Variants in GMPR observed in about 807,000 individuals in gnomAD.
GMPR encodes the protein guanosine monophosphate reductase.
Under a neutral mutation model 38.4 loss-of-function variants are expected in GMPR, and 31 were observed. That is an observed-to-expected ratio of 0.81 (90% CI 0.61 to 1.09). The LOEUF is 1.09. Among genes scored for constraint, GMPR ranks in the 50% least tolerant of loss-of-function variants. The pLI is 0.00. For missense variants in GMPR, 468 were observed against 453.7 expected (o/e 1.03, Z -0.29); for synonymous variants, 162 against 173.3 (o/e 0.93, Z 0.51).
At position 16,263,474 on chromosome 6, in the gene GMPR, T is replaced by C. The variant is rs1759125815; in HGVS notation, c.465+8739T>C. ...GGAATGGAGGGTGGAAGGTTGCCCA[T>C]AGTGAAGGAAGCAAGCCTAGAGAAA... On this transcript the variant is annotated intron_variant, in intron 4 of 8. Coordinates refer to ENST00000259727, the MANE Select transcript of GMPR (RefSeq NM_006877.4). The C allele has an allele frequency of 2.6e-5, 4 of 151,398 alleles. No homozygotes were observed. In the South Asian group the frequency reaches 6.3e-4, roughly 24 times the overall value. The allele number at this position is 151,398 out of a possible 1,614,324, so 9.4% of individuals were successfully genotyped here. A position where few individuals can be genotyped will look rare whatever the true frequency, so the allele number is the denominator to read the frequency against.
chr6:16,254,839 T>A, intron 4 of GMPR, 104 bp downstream of exon 4: 3 of 759,958 alleles, frequency 3.9e-6, no homozygotes, highest in Non-Finnish European at 6.6e-6. Flanking sequence ...GAGCTTTTGG[T>A]GCCTCTTTAG....
At chr6:16,248,216 CAA>C (rs1758797230) in intron 2 of GMPR, among the ~76,000 whole-genome samples, 1 of 73,356 alleles carries the variant, frequency 1.4e-5, no homozygotes, top group Non-Finnish European at 2.4e-5. Flanking sequence ...GGTGACAGAG[CAA>C]GAAGACCCTG....
intron 6 of GMPR, among the ~76,000 whole-genome samples, chr6:16,280,615 A>G (rs1759556876): frequency 6.6e-6 from 1 of 152,208 alleles, no homozygotes; most frequent in Non-Finnish European, 1.5e-5. Flanking sequence ...AGGCAGTAGT[A>G]CCATTCCGCA....
intron 6 of GMPR, 50 bp from the exon 7 acceptor site, chr6:16,285,743 G>C: frequency 1.3e-6 from 2 of 1,530,536 alleles, no homozygotes; most frequent in Non-Finnish European, 1.8e-6. Context: ...GGGACAGCCT[G>C]GCTGAGCTCC....
chr6:16,295,517 A>C lies in GMPR; in HGVS notation c.*331A>C, dbSNP rs1759922375. The stretch of plus-strand genomic sequence containing the variant: ...TTCTTTTTTAAAAGAAGATGGTTTC[A>C]CTTTAATATAATGCTATTATCTTAA... On this transcript the variant is annotated 3_prime_UTR_variant, in exon 9 of 9. Transcript: ENST00000259727. 4.8e-6 allele frequency: 1 copy of C among 206,688 alleles called. No homozygotes were observed. The highest frequency in any genetic ancestry group is 2.3e-5 in the African/African-American group (1 of 43,534). 12.8% of individuals were successfully genotyped at this position (206,688 alleles called of 1,614,324 possible). A position where few individuals can be genotyped will look rare whatever the true frequency, so the allele number is the denominator to read the frequency against.
intron 1 of GMPR, among the ~76,000 whole-genome samples, chr6:16,243,299 C>T (rs549176737): frequency 1.3e-5 from 2 of 152,254 alleles, no homozygotes; most frequent in Non-Finnish European, 2.9e-5. Context: ...GATGTGTACC[C>T]GGGTGTGCTG....
chr6:16,244,825 A>G (rs1196425511), intron 1 of GMPR, among the ~76,000 whole-genome samples: 1 of 152,072 alleles, frequency 6.6e-6, no homozygotes, highest in Non-Finnish European at 1.5e-5. Flanking sequence ...TTTATTTTTC[A>G]TTCTTAGAAT....
At chr6:16,251,863 AAAAC>A (rs1343028524) in intron 3 of GMPR, among the ~76,000 whole-genome samples, 2 of 152,216 alleles carry the variant, frequency 1.3e-5, no homozygotes, top group East Asian at 3.8e-4. Context: ...CCATTAAAAA[AAAAC>A]AACAGAAAGC....
intron 1 of GMPR, among the ~76,000 whole-genome samples, chr6:16,240,693 C>G (rs545768244): frequency 6.6e-6 from 1 of 152,176 alleles, no homozygotes; most frequent in Non-Finnish European, 1.5e-5. Context: ...TCACATCATG[C>G]GACAATGTCA....
rs914194165 is a variant in GMPR at position 16,295,392 on chromosome 6, A to G, written c.*206A>G. The stretch of plus-strand genomic sequence containing the variant: ...CAGACGCAAGGCACCGATTGGGCCA[A>G]CATCAGAGCCCTGCTGCCCAGAACT... On this transcript the variant is annotated 3_prime_UTR_variant, in exon 9 of 9. Coordinates refer to ENST00000259727, the MANE Select transcript of GMPR (RefSeq NM_006877.4). 7 of 450,242 alleles carry G rather than the reference A, an allele frequency of 1.6e-5. No individual in the cohort carries two copies. Among genetic ancestry groups the G allele is most frequent in the Non-Finnish European group, 2.3e-5 (6 of 260,028 alleles). The allele number at this position is 450,242 out of a possible 1,614,324, so 27.9% of individuals were successfully genotyped here.
intron 7 of GMPR, 70 bp from the exon 8 acceptor site, chr6:16,290,392 T>G: frequency 6.9e-7 from 1 of 1,450,812 alleles, no homozygotes; most frequent in Non-Finnish European, 9.6e-7. Flanking sequence ...AGCACTGGGA[T>G]TTTTTGAGAG....
intron 4 of GMPR, among the ~76,000 whole-genome samples, chr6:16,271,187 A>G (rs1759377521): frequency 1.3e-5 from 2 of 151,242 alleles, no homozygotes; most frequent in South Asian, 4.2e-4. Context: ...AGAAATCCAC[A>G]TTGAAAATGA....
At chr6:16,293,016 G>GTCTCTCTCTCTCTC (rs58570071) in intron 8 of GMPR, among the ~76,000 whole-genome samples, 3 of 149,806 alleles carry the variant, frequency 2.0e-5, no homozygotes, top group African/African-American at 7.3e-5. Flanking sequence ...CTCTGTCTGA[G>GTCTCTCTCTCTCTC]TCTCTCTCTC....
chr6:16,288,189 T>C (rs768909722), intron 7 of GMPR, among the ~76,000 whole-genome samples: 1 of 152,234 alleles, frequency 6.6e-6, no homozygotes, highest in Non-Finnish European at 1.5e-5. Context: ...CTCTGCACTC[T>C]GGGAGCCCCT....
intron 6 of GMPR, among the ~76,000 whole-genome samples, chr6:16,279,416 A>C (rs1759537291): frequency 6.6e-6 from 1 of 152,210 alleles, no homozygotes; most frequent in Admixed American, 6.5e-5. Flanking sequence ...CTTTCAGATC[A>C]GGGGCCACCC....
chr6:16,268,764 A>G (rs1406008132), intron 4 of GMPR, among the ~76,000 whole-genome samples: 2 of 152,164 alleles, frequency 1.3e-5, no homozygotes, highest in East Asian at 3.8e-4. Context: ...TCAGTTTGAG[A>G]TGATTAAAAA....
At chr6:16,263,875 A>G (rs897770727) in intron 4 of GMPR, among the ~76,000 whole-genome samples, 2 of 151,694 alleles carry the variant, frequency 1.3e-5, no homozygotes, top group Non-Finnish European at 2.9e-5. Context: ...GAGATATAAG[A>G]GGTTGGGGTA....
At chr6:16,266,238 A>T (rs978652289) in intron 4 of GMPR, among the ~76,000 whole-genome samples, 1 of 151,512 alleles carries the variant, frequency 6.6e-6, no homozygotes, top group African/African-American at 2.4e-5. Flanking sequence ...CGCGCGCACC[A>T]CCTTTAAGAG....
intron 3 of GMPR, 135 bp from the exon 4 acceptor site, chr6:16,254,427 G>GCACT: frequency 1.4e-6 from 1 of 690,436 alleles, no homozygotes; most frequent in South Asian, 1.8e-5. Context: ...GTCTTGAGCA[G>GCACT]GTGCACTGTG....
Sources: gnomAD v4.1 joint callset for allele counts (sites outside exome capture counted in the v4.1 genomes callset) on GRCh38, gnomAD v4.1.1 for gene constraint, MANE v1.5 for transcripts, NCBI Gene and HGNC (gene_info 2026-07-23, HGNC 2026-07-21) for gene names.